Variants in TENM3 observed in about 807,000 individuals in gnomAD.
TENM3 encodes teneurin transmembrane protein 3, also known as teneurin-3.
A neutral mutation model predicts 255.1 loss-of-function variants in TENM3; 63 were observed. The ratio of observed to expected loss-of-function variants is 0.25; its 90% CI spans 0.20 to 0.30. The LOEUF is 0.30. TENM3 is among the 10% of genes least tolerant of loss of function. The probability of loss-of-function intolerance (pLI) is 1.00; values close to 1 mark genes in which losing one functional copy is unlikely to be tolerated. For missense variants in TENM3, 2,929 were observed against 3,461.1 expected (o/e 0.85, Z 3.86); for synonymous variants, 1,306 against 1,322.3 (o/e 0.99, Z 0.27).
the TENM3 span, among the ~76,000 whole-genome samples, chr4:181,932,094 G>A: frequency 5.3e-5 from 8 of 152,132 alleles, 1 homozygote; most frequent in Non-Finnish European, 1.0e-4. Flanking sequence ...ATACCATTCA[G>A]GACATAGGCA....
chr4:181,955,357 A>T, the TENM3 span, among the ~76,000 whole-genome samples: 1 of 152,100 alleles, frequency 6.6e-6, no homozygotes, highest in African/African-American at 2.4e-5. Context: ...TGGCTACCTG[A>T]ATTGATGTGA....
At chr4:181,964,117 G>A in the TENM3 span, among the ~76,000 whole-genome samples, 1 of 150,560 alleles carries the variant, frequency 6.6e-6, no homozygotes, top group African/African-American at 2.4e-5. Flanking sequence ...GGGATTAAGG[G>A]GCATAAGATG....
At chr4:182,577,816 G>T (rs1196138822) in intron 3 of TENM3, among the ~76,000 whole-genome samples, 1 of 152,074 alleles carries the variant, frequency 6.6e-6, no homozygotes, top group East Asian at 1.9e-4. Context: ...AGAAACTTAG[G>T]AGATGGTACA....
At chr4:181,497,584 G>C in the TENM3 span, among the ~76,000 whole-genome samples, 1 of 152,122 alleles carries the variant, frequency 6.6e-6, no homozygotes, top group Non-Finnish European at 1.5e-5. Flanking sequence ...TTCAAATACA[G>C]AGGAAGCAAA....
the TENM3 span, among the ~76,000 whole-genome samples, chr4:182,035,344 G>A: frequency 4.6e-5 from 7 of 152,236 alleles, no homozygotes; most frequent in South Asian, 2.1e-4. Context: ...AAACAAATTC[G>A]ATCAGTGAAG....
intron 3 of TENM3, among the ~76,000 whole-genome samples, chr4:182,367,323 C>T (rs913812908): frequency 2.0e-5 from 3 of 152,132 alleles, no homozygotes; most frequent in Middle Eastern, 3.4e-3. Context: ...TTAACATTGA[C>T]GGTAAAGTGG....
At position 182,719,960 on chromosome 4, in the gene TENM3, C is replaced by T. The variant is rs111548720; in HGVS notation, c.2368+5727C>T. Reference sequence around the variant, plus strand: ...CCTGTAGTCCGAGCTACTCAGGAGGCTGAGGTGGGAGGATCACCTGAGCCT... The same window carrying T: ...CCTGTAGTCCGAGCTACTCAGGAGGTTGAGGTGGGAGGATCACCTGAGCCT... On this transcript the variant is annotated intron_variant, in intron 13 of 27. Transcript: ENST00000511685. 2.9e-3 allele frequency among the ~76,000 whole-genome samples: 437 copies of T among 152,126 alleles called. 1 individual carries two copies. The highest frequency in any genetic ancestry group is 0.01 in the African/African-American group (417 of 41,524).
At chr4:182,235,057 TG>T (rs1181048392) in intron 1 of TENM3, among the ~76,000 whole-genome samples, 2 of 152,110 alleles carry the variant, frequency 1.3e-5, no homozygotes, top group Non-Finnish European at 2.9e-5. Context: ...GGTGCTTCAC[TG>T]GCCAATACAA....
At chr4:181,669,098 C>T in the TENM3 span, among the ~76,000 whole-genome samples, 1 of 151,920 alleles carries the variant, frequency 6.6e-6, no homozygotes, top group African/African-American at 2.4e-5. Flanking sequence ...AAGACAATAT[C>T]TGAAAAAAAA....
the TENM3 span, among the ~76,000 whole-genome samples, chr4:181,703,486 A>T: frequency 6.6e-6 from 1 of 152,150 alleles, no homozygotes; most frequent in Admixed American, 6.5e-5. Context: ...TGGATGATGG[A>T]TTTTTGTCTT....
the TENM3 span, among the ~76,000 whole-genome samples, chr4:182,076,346 G>A: frequency 6.6e-6 from 1 of 151,816 alleles, no homozygotes; most frequent in Non-Finnish European, 1.5e-5. Context: ...TGGGATTACA[G>A]GTGCCCACCA....
At chr4:181,474,163 A>G in the TENM3 span, among the ~76,000 whole-genome samples, 1 of 151,926 alleles carries the variant, frequency 6.6e-6, no homozygotes, top group Non-Finnish European at 1.5e-5. Flanking sequence ...CAGGGCCTGT[A>G]GGGGGATGGG....
chr4:181,512,503 T>C, the TENM3 span, among the ~76,000 whole-genome samples: 1 of 152,234 alleles, frequency 6.6e-6, no homozygotes, highest in Non-Finnish European at 1.5e-5. Flanking sequence ...CAGACTTTCA[T>C]GCTGTCTGGT....
chr4:181,581,365 T>A, the TENM3 span, among the ~76,000 whole-genome samples: 8 of 152,122 alleles, frequency 5.3e-5, no homozygotes, highest in Middle Eastern at 3.4e-3. Context: ...CACTTGAACC[T>A]GGGAGGCGGA....
chr4:181,926,150 A>G, the TENM3 span, among the ~76,000 whole-genome samples: 1 of 152,232 alleles, frequency 6.6e-6, no homozygotes, highest in African/African-American at 2.4e-5. Context: ...CTTTTAAATA[A>G]ACCTGAAATT....
intron 5 of TENM3, among the ~76,000 whole-genome samples, chr4:182,632,526 A>C (rs1382336364): frequency 6.6e-6 from 1 of 152,126 alleles, no homozygotes; most frequent in Admixed American, 6.5e-5. Context: ...CTATCTTCTC[A>C]TACATTTATT....
the TENM3 span, among the ~76,000 whole-genome samples, chr4:182,037,195 T>C: frequency 1.3e-5 from 2 of 151,496 alleles, no homozygotes; most frequent in African/African-American, 4.9e-5. Context: ...TTTCCCAGGC[T>C]GGAGTGCAGT....
At chr4:181,889,534 T>A in the TENM3 span, among the ~76,000 whole-genome samples, 1 of 152,150 alleles carries the variant, frequency 6.6e-6, no homozygotes, top group Non-Finnish European at 1.5e-5. Context: ...TTTGAGGCTG[T>A]TTTTGGCATA....
intron 1 of TENM3, among the ~76,000 whole-genome samples, chr4:182,250,761 T>C (rs1387180308): frequency 6.6e-6 from 1 of 152,252 alleles, no homozygotes; most frequent in Non-Finnish European, 1.5e-5. Flanking sequence ...ATTTTAAAAA[T>C]AAGCATTTTT....
Sources: allele counts gnomAD v4.1 joint callset (sites outside exome capture counted in the v4.1 genomes callset), GRCh38; gene constraint gnomAD v4.1.1; transcripts MANE v1.5; gene names NCBI Gene and HGNC (gene_info 2026-07-23, HGNC 2026-07-21).